Variants in EVI5 observed in about 807,000 individuals in gnomAD.
EVI5 encodes the protein ecotropic viral integration site 5 protein homolog.
A neutral mutation model predicts 112.0 loss-of-function variants in EVI5; 73 were observed. That is an observed-to-expected ratio of 0.65 (90% confidence interval 0.54 to 0.79). EVI5 has a LOEUF of 0.79. EVI5 is among the 30% of genes least tolerant of loss of function. The probability of loss-of-function intolerance (pLI) is 0.00; values close to 1 mark genes in which losing one functional copy is unlikely to be tolerated. For missense variants in EVI5, 900 were observed against 968.8 expected, an observed-to-expected ratio of 0.93 and a Z score of 0.94; for synonymous variants, 305 against 319.9, an observed-to-expected ratio of 0.95 and a Z score of 0.50.
intron 9 of EVI5, among the ~76,000 whole-genome samples, chr1:92,690,619 G>C (rs1323815042): frequency 6.6e-6 from 1 of 152,032 alleles, no homozygotes; most frequent in Admixed American, 6.5e-5. Flanking sequence ...CAAAGTACTG[G>C]GATTATAGGT....
chr1:92,660,274 A>AACATG (rs1465121226), intron 13 of EVI5, among the ~76,000 whole-genome samples: 2 of 152,130 alleles, frequency 1.3e-5, no homozygotes, highest in African/African-American at 4.8e-5. Context: ...CATTTGTGAC[A>AACATG]ACATGGATGA....
intron 10 of EVI5, among the ~76,000 whole-genome samples, chr1:92,669,491 T>C (rs1665479238): frequency 7.8e-6 from 1 of 128,872 alleles, no homozygotes; most frequent in African/African-American, 3.0e-5. Context: ...AAGGTTGCAG[T>C]GAGCCAAGAC....
At chr1:92,716,009 A>T (rs1172352712) in intron 2 of EVI5, among the ~76,000 whole-genome samples, 1 of 152,132 alleles carries the variant, frequency 6.6e-6, no homozygotes, top group Non-Finnish European at 1.5e-5. Context: ...TGCTATCTCT[A>T]TAAACTCCAC....
At chr1:92,683,558 T>C (rs908155183) in intron 9 of EVI5, among the ~76,000 whole-genome samples, 1 of 152,182 alleles carries the variant, frequency 6.6e-6, no homozygotes, top group Non-Finnish European at 1.5e-5. Context: ...GAGAATGAGT[T>C]TGACGAGTTG....
In EVI5 at chr1:92,663,432, AT is replaced by A; in HGVS notation, c.1232del (p.Asp411ValfsTer3). The A allele has an allele frequency of 1.4e-6, 2 of 1,426,584 alleles. No homozygotes were observed. The highest frequency in any genetic ancestry group is 9.4e-7 in the Non-Finnish European group (1 of 1,066,490). 88.4% of individuals were successfully genotyped at this position (1,426,584 alleles called of 1,614,324 possible). On this transcript the variant is annotated frameshift_variant, in exon 12 of 20. Coordinates refer to ENST00000684568, the MANE Select transcript of EVI5 (RefSeq NM_001350197.2). LOFTEE classifies it high-confidence loss of function. ...ACAAAAACTATACCTGTATCAATCT[AT>A]CTGCCAAGGAAGCACTTTCCTACAA... ...TLEKESASLA[D>X]RLIQGQVTRA... is the part of the protein sequence containing the mutation.
intron 9 of EVI5, among the ~76,000 whole-genome samples, chr1:92,685,406 T>A (rs1322414016): frequency 2.0e-5 from 3 of 152,162 alleles, no homozygotes; most frequent in Non-Finnish European, 4.4e-5. Context: ...TAAAGCAGTG[T>A]GTAGAGGGAA....
In EVI5 at chr1:92,605,307, C is replaced by T. The variant is rs1164610885; in HGVS notation, c.2070G>A (p.Gln690=). 1 of 1,598,410 alleles carries T rather than the reference C, an allele frequency of 6.3e-7. No homozygotes were observed. Among genetic ancestry groups the T allele is most frequent in the Non-Finnish European group, 8.6e-7 (1 of 1,166,300 alleles). ...LRQHIAELEI[Q]KEEGKLQGQL... ...GTACTTTATTATTTTCATATGGTAC[C>T]TGGATTTCAAGCTCAGCAATGTGTT... Residue 690 remains glutamine, a splice_region_variant and synonymous_variant, in exon 18 of 20, where the codon CAG becomes CAA. Coordinates refer to ENST00000684568, the MANE Select transcript of EVI5 (RefSeq NM_001350197.2).
chr1:92,791,851 G>T (rs756708280), intron 1 of EVI5, among the ~76,000 whole-genome samples: 12 of 152,102 alleles, frequency 7.9e-5, no homozygotes, highest in Non-Finnish European at 1.6e-4. Context: ...CAAACACGAC[G>T]GGAGGCAACA....
At chr1:92,711,715 A>G (rs1672877459) in intron 2 of EVI5, among the ~76,000 whole-genome samples, 2 of 152,230 alleles carry the variant, frequency 1.3e-5, no homozygotes, top group South Asian at 4.1e-4. Context: ...AGGTTCAAAC[A>G]TCTCTTTGTA....
At position 92,511,536 on chromosome 1, in the gene EVI5, T is replaced by A. The variant is rs1659192025; in HGVS notation, c.*2120A>T. ...AGCTTTGGTGTTAGGGAGATCTAGG[T>A]TAAAATCTTGGCTCTTGCTGGGAGC... is the stretch of plus-strand genomic sequence containing the variant. On this transcript the variant is annotated 3_prime_UTR_variant, in exon 20 of 20. Transcript: ENST00000684568. The A allele has an allele frequency of 6.6e-6, 1 of 151,968 alleles. No individual in the cohort carries two copies. Among genetic ancestry groups the A allele is most frequent in the African/African-American group, 2.4e-5 (1 of 41,350 alleles). The allele number at this position is 151,968 out of a possible 1,614,324, so 9.4% of individuals were successfully genotyped here.
intron 1 of EVI5, among the ~76,000 whole-genome samples, chr1:92,757,907 C>CAAAAAAAAA (rs71091299): frequency 4.3e-5 from 3 of 70,292 alleles, no homozygotes; most frequent in Non-Finnish European, 8.3e-5. Context: ...GACTCTGCCT[C>CAAAAAAAAA]AAAAAAAAAA....
chr1:92,741,878 A>C (rs1333359054), intron 1 of EVI5, among the ~76,000 whole-genome samples: 1 of 152,202 alleles, frequency 6.6e-6, no homozygotes, highest in East Asian at 1.9e-4. Context: ...CTTAGAAGAA[A>C]ACGTAAGGGA....
intron 1 of EVI5, among the ~76,000 whole-genome samples, chr1:92,772,220 G>A (rs1683507799): frequency 6.6e-6 from 1 of 151,996 alleles, no homozygotes; most frequent in African/African-American, 2.4e-5. Flanking sequence ...ATCTTTTATA[G>A]ATGGCAGAGT....
At chr1:92,597,327 TG>T (rs1648135088) in intron 18 of EVI5, among the ~76,000 whole-genome samples, 1 of 152,206 alleles carries the variant, frequency 6.6e-6, no homozygotes, top group Non-Finnish European at 1.5e-5. Flanking sequence ...AACAGAAAAC[TG>T]GGTTCTAAAG....
At chr1:92,645,892 A>C (rs1403835503) in intron 13 of EVI5, among the ~76,000 whole-genome samples, 1 of 152,096 alleles carries the variant, frequency 6.6e-6, no homozygotes, top group Non-Finnish European at 1.5e-5. Flanking sequence ...GCTCTGCTTC[A>C]CTTCACGTTG....
At chr1:92,770,363 G>A (rs980068953) in intron 1 of EVI5, among the ~76,000 whole-genome samples, 9 of 152,228 alleles carry the variant, frequency 5.9e-5, no homozygotes, top group Non-Finnish European at 1.2e-4. Flanking sequence ...TGGATACTTG[G>A]AGTGCTTCCG....
intron 2 of EVI5, among the ~76,000 whole-genome samples, chr1:92,714,405 GTGTAAGT>G (rs1673301078): frequency 6.6e-6 from 1 of 152,120 alleles, no homozygotes; most frequent in Non-Finnish European, 1.5e-5. Context: ...ATGCTACAAA[GTGTAAGT>G]TGTATCTCAT....
In EVI5 at chr1:92,550,067, AT is replaced by A. The variant is rs562635796; in HGVS notation, c.2166+13574del. Among the ~76,000 whole-genome samples, 154 of 152,278 alleles carry A rather than the reference AT, an allele frequency of 1.0e-3. 1 individual carries two copies. The highest frequency in any genetic ancestry group is 3.5e-3 in the African/African-American group (145 of 41,542). Reference sequence around the variant, plus strand: ...ATGCACATATGTTTACTGCAGCACTATTCACAATAGCAAAGACTTGGAACCA... The same window carrying A: ...ATGCACATATGTTTACTGCAGCACTATCACAATAGCAAAGACTTGGAACCA... On this transcript the variant is annotated intron_variant, in intron 19 of 19. Coordinates refer to ENST00000684568, the MANE Select transcript of EVI5 (RefSeq NM_001350197.2).
intron 1 of EVI5, among the ~76,000 whole-genome samples, chr1:92,747,312 G>A (rs1274789101): frequency 6.6e-6 from 1 of 152,006 alleles, no homozygotes; most frequent in Non-Finnish European, 1.5e-5. Flanking sequence ...GGTAGTATGA[G>A]GGCAGTGATC....
Sources: allele counts gnomAD v4.1 joint callset (sites outside exome capture counted in the v4.1 genomes callset), GRCh38; gene constraint gnomAD v4.1.1; transcripts MANE v1.5; gene names NCBI Gene and HGNC (gene_info 2026-07-23, HGNC 2026-07-21).